The following WDR43 variants were observed in gnomAD, a reference collection of about 807,000 sequenced individuals.
WDR43 encodes the protein WD repeat-containing protein 43.
Under a neutral mutation model 91.4 loss-of-function variants are expected in WDR43, and 13 were observed. The observed-to-expected ratio is 0.14, with a 90% CI of 0.09 to 0.23. The LOEUF (loss-of-function observed/expected upper bound fraction) is 0.23. Among genes scored for constraint, WDR43 ranks in the 10% least tolerant of loss-of-function variants. The pLI, the probability that WDR43 is intolerant of heterozygous loss-of-function variation, is 1.00. For missense variants in WDR43, 780 were observed against 809.4 expected, an observed-to-expected ratio of 0.96 and a Z score of 0.44; for synonymous variants, 331 against 287.9, an observed-to-expected ratio of 1.15 and a Z score of -1.51.
intron 6 of WDR43, among the ~76,000 whole-genome samples, chr2:28,920,975 G>A (rs754078493): frequency 2.7e-5 from 4 of 150,788 alleles, no homozygotes; most frequent in Non-Finnish European, 4.4e-5. Flanking sequence ...TTGTGCCTGG[G>A]CAAGACTGAA....
intron 16 of WDR43, among the ~76,000 whole-genome samples, chr2:28,944,817 G>A (rs527700013): frequency 3.3e-5 from 5 of 152,384 alleles, no homozygotes; most frequent in African/African-American, 9.6e-5. Context: ...GGTGGCTAGT[G>A]TAGACAGCGA....
chr2:28,909,642 G>A (rs979561512), intron 3 of WDR43, among the ~76,000 whole-genome samples: 11 of 152,160 alleles, frequency 7.2e-5, no homozygotes, highest in African/African-American at 2.7e-4. Flanking sequence ...GAAGGCTGAG[G>A]TGGAAGGATT....
intron 8 of WDR43, 82 bp downstream of exon 8, chr2:28,925,235 G>T: frequency 1.6e-6 from 2 of 1,253,776 alleles, no homozygotes; most frequent in South Asian, 2.0e-5. Context: ...TAACAACATT[G>T]GTCTTTAAGA....
chr2:28,926,380 A>G (rs1363970356), intron 8 of WDR43, 88 bp from the exon 9 acceptor site: 5 of 953,576 alleles, frequency 5.2e-6, no homozygotes, highest in Non-Finnish European at 7.6e-6. Flanking sequence ...TTTATTTTTC[A>G]TTTTGTTCTT....
chr2:28,916,590 T>G (rs1558374365), intron 5 of WDR43, among the ~76,000 whole-genome samples: 1 of 152,090 alleles, frequency 6.6e-6, no homozygotes, highest in Non-Finnish European at 1.5e-5. Flanking sequence ...TGGTTTTGCA[T>G]ATACCTCTCC....
intron 14 of WDR43, among the ~76,000 whole-genome samples, chr2:28,940,111 CAAAAAA>C (rs369746530): frequency 1.9e-5 from 2 of 103,366 alleles, no homozygotes; most frequent in African/African-American, 3.9e-5. Context: ...GACTCCGTCT[CAAAAAA>C]AAAAAAAAAA....
intron 1 of WDR43, among the ~76,000 whole-genome samples, chr2:28,895,584 C>A (rs930085807): frequency 1.3e-5 from 2 of 152,152 alleles, no homozygotes; most frequent in African/African-American, 4.8e-5. Flanking sequence ...GCTCCCCACC[C>A]ACCCCAATCT....
chr2:28,927,840 C>A, intron 10 of WDR43, 140 bp downstream of exon 10: 1 of 1,133,060 alleles, frequency 8.8e-7, no homozygotes, highest in Non-Finnish European at 1.2e-6. Context: ...CTTTTATCTT[C>A]ACCATCATAG....
intron 8 of WDR43, 24 bp from the exon 9 acceptor site, chr2:28,926,444 C>T: frequency 1.3e-6 from 2 of 1,488,922 alleles, no homozygotes; most frequent in African/African-American, 1.4e-5. Flanking sequence ...CTCATCTTCC[C>T]CTTTAAAAAA....
Position 28,937,975 on chromosome 2 carries a change from A to G in WDR43, c.1601A>G (p.His534Arg), listed in dbSNP as rs992445344. The G allele has an allele frequency of 3.1e-6, 5 of 1,613,756 alleles. No homozygotes were observed. The highest frequency in any genetic ancestry group is 4.2e-6 in the Non-Finnish European group (5 of 1,179,846). Residue 534 changes from histidine to arginine, a missense_variant, in exon 14 of 18, where the codon CAT (histidine) becomes CGT (arginine). Transcript: ENST00000407426. The part of the protein sequence containing the change: ...VQWLKCVLTV[H>R]ASYLSTLPDL... Reference sequence around the variant, plus strand: ...TGGCTAAAATGTGTGTTAACAGTTCATGCATCATACCTGTCCACGGTGAGT... The same window carrying G: ...TGGCTAAAATGTGTGTTAACAGTTCGTGCATCATACCTGTCCACGGTGAGT...
intron 15 of WDR43, among the ~76,000 whole-genome samples, chr2:28,942,068 A>G (rs563654769): frequency 2.2e-4 from 33 of 152,318 alleles, no homozygotes; most frequent in African/African-American, 7.9e-4. Flanking sequence ...TAGGATATTT[A>G]TACAGTTAAA....
rs905255936 is a variant in WDR43 at position 28,947,871 on chromosome 2, T to A, written c.*1092T>A. Reference sequence around the variant, plus strand: ...TGCAAATTATCAGTAGTAGTTTTTTTTTTTTTTTTTTTTTTTTTAAAGAAT... The same window carrying A: ...TGCAAATTATCAGTAGTAGTTTTTTATTTTTTTTTTTTTTTTTTAAAGAAT... On this transcript the variant is annotated 3_prime_UTR_variant, in exon 18 of 18. Coordinates refer to ENST00000407426, the MANE Select transcript of WDR43 (RefSeq NM_015131.3). 6.8e-6 allele frequency: 1 copy of A among 147,662 alleles called. No homozygotes were observed. Among genetic ancestry groups the A allele is most frequent in the Non-Finnish European group, 1.5e-5 (1 of 65,900 alleles). The allele number at this position is 147,662 out of a possible 1,614,324, so 9.1% of individuals were successfully genotyped here.
chr2:28,916,678 T>A (rs916444878), intron 5 of WDR43, among the ~76,000 whole-genome samples: 28 of 152,280 alleles, frequency 1.8e-4, no homozygotes, highest in African/African-American at 6.5e-4. Flanking sequence ...TTCTCGTTAT[T>A]TATAATTGTT....
chr2:28,942,619 C>CTTTT, intron 16 of WDR43, among the ~76,000 whole-genome samples: 1 of 139,548 alleles, frequency 7.2e-6, no homozygotes, highest in African/African-American at 2.7e-5. Flanking sequence ...TTTTTCTTTT[C>CTTTT]TTTTTTTTTT....
chr2:28,894,977 C>T (rs1458166037), intron 1 of WDR43, 54 bp downstream of exon 1: 2 of 1,440,436 alleles, frequency 1.4e-6, no homozygotes, highest in Non-Finnish European at 1.8e-6. Context: ...CGGCTTCGGG[C>T]CTCCGGGCCG....
intron 6 of WDR43, among the ~76,000 whole-genome samples, chr2:28,921,160 GC>G (rs1411030433): frequency 3.4e-5 from 5 of 146,810 alleles, no homozygotes; most frequent in African/African-American, 1.3e-4. Context: ...ACGGAGTCTT[GC>G]TTTGTCGCCA....
intron 4 of WDR43, 126 bp from the exon 5 acceptor site, chr2:28,913,943 A>G (rs1008861185): frequency 6.5e-6 from 7 of 1,071,572 alleles, no homozygotes; most frequent in Non-Finnish European, 9.5e-6. Context: ...TGAATTGAAC[A>G]GTTACTTCAT....
In WDR43 at chr2:28,947,863, A is replaced by G. The variant is rs1671576087; in HGVS notation, c.*1084A>G. On this transcript the variant is annotated 3_prime_UTR_variant, in exon 18 of 18. Coordinates refer to ENST00000407426, the MANE Select transcript of WDR43 (RefSeq NM_015131.3). ...AAAGCCTTTGCAAATTATCAGTAGT[A>G]GTTTTTTTTTTTTTTTTTTTTTTTT... is the stretch of plus-strand genomic sequence containing the variant. 2 of 80,646 alleles carry G rather than the reference A, an allele frequency of 2.5e-5. No individual in the cohort carries two copies. The allele number at this position is 80,646 out of a possible 1,614,324, so 5.0% of individuals were successfully genotyped here.
intron 7 of WDR43, among the ~76,000 whole-genome samples, chr2:28,923,824 G>A (rs982569256): frequency 6.6e-6 from 1 of 151,992 alleles, no homozygotes; most frequent in African/African-American, 2.4e-5. Context: ...AGAAGAAGTG[G>A]GACCCAAAGG....
Sources: allele counts gnomAD v4.1 joint callset (sites outside exome capture counted in the v4.1 genomes callset), GRCh38; gene constraint gnomAD v4.1.1; transcripts MANE v1.5; gene names NCBI Gene and HGNC (gene_info 2026-07-23, HGNC 2026-07-21).